TMPRSS11E: variants seen among roughly 807,000 people sequenced by gnomAD.
The protein encoded by TMPRSS11E is transmembrane serine protease 11E.
TMPRSS11E carries 38 observed loss-of-function variants against 48.1 expected under a neutral mutation model. The observed-to-expected ratio is 0.79, with a 90% CI of 0.61 to 1.04. The LOEUF (loss-of-function observed/expected upper bound fraction) is 1.04, where lower values mean the gene tolerates loss of function less well. TMPRSS11E is among the 50% of genes least tolerant of loss of function. The pLI is 0.00. For synonymous variants in TMPRSS11E, 158 were observed against 171.9 expected (o/e 0.92, Z 0.63); for missense variants, 530 against 510.8 (o/e 1.04, Z -0.36).
chr4:68,490,155 G>A (rs1729676154), intron 9 of TMPRSS11E, among the ~76,000 whole-genome samples: 1 of 152,084 alleles, frequency 6.6e-6, no homozygotes, highest in South Asian at 2.1e-4. Context: ...GCAACCCTGT[G>A]CAGGGTTACC....
chr4:68,450,501 G>C (rs894660511), intron 1 of TMPRSS11E, among the ~76,000 whole-genome samples: 7 of 151,804 alleles, frequency 4.6e-5, no homozygotes, highest in African/African-American at 1.7e-4. Flanking sequence ...GCTATAAGTA[G>C]AATCTTTGAG....
At position 68,496,945 on chromosome 4, in the gene TMPRSS11E, T is replaced by C. The variant is rs1056643404; in HGVS notation, c.*141T>C. 5 of 851,358 alleles carry C rather than the reference T, an allele frequency of 5.9e-6. No individual in the cohort carries two copies. Among genetic ancestry groups the C allele is most frequent in the Non-Finnish European group, 9.3e-6 (5 of 536,646 alleles). 52.7% of individuals were successfully genotyped at this position (851,358 alleles called of 1,614,324 possible). On this transcript the variant is annotated 3_prime_UTR_variant, in exon 10 of 10. Coordinates refer to ENST00000305363, the MANE Select transcript of TMPRSS11E (RefSeq NM_014058.4). ...CAATAAACTGTTTGCTTGATGCATG[T>C]ATTTTCTTCCCAGCTCTGTTCCGCA...
chr4:68,489,871 C>T (rs540742259), intron 9 of TMPRSS11E, among the ~76,000 whole-genome samples: 1 of 152,264 alleles, frequency 6.6e-6, no homozygotes, highest in South Asian at 2.1e-4. Flanking sequence ...CGAAAGCCAC[C>T]TAGAGATGTA....
chr4:68,456,483 A>G (rs1388767860), intron 1 of TMPRSS11E, among the ~76,000 whole-genome samples: 1 of 152,036 alleles, frequency 6.6e-6, no homozygotes, highest in Non-Finnish European at 1.5e-5. Flanking sequence ...CAATGAAAAT[A>G]TATAATCCAT....
intron 5 of TMPRSS11E, among the ~76,000 whole-genome samples, chr4:68,473,751 A>G (rs952025277): frequency 6.6e-6 from 1 of 152,126 alleles, no homozygotes; most frequent in Non-Finnish European, 1.5e-5. Flanking sequence ...AGAGCTTGAC[A>G]TTTTCCTAGG....
rs377207684 is a variant in TMPRSS11E, at chr4:68,478,920, G to A, written c.1039G>A (p.Ala347Thr). 6.2e-6 allele frequency: 10 copies of A among 1,613,898 alleles called. No homozygotes were observed. Among genetic ancestry groups the A allele is most frequent in the Non-Finnish European group, 8.5e-6 (10 of 1,179,986 alleles). ...IDATTCNEPQAYNDAITPRML... is the reference protein window; with the variant it reads ...IDATTCNEPQTYNDAITPRML... Reference sequence around the variant, plus strand: ...CGCTACAACTTGCAATGAACCTCAAGCTTACAATGACGCCATAACTCCTAG... The same window carrying A: ...CGCTACAACTTGCAATGAACCTCAAACTTACAATGACGCCATAACTCCTAG... The change falls in exon 9 of 10, where the codon GCT becomes ACT. Residue 347 changes from alanine (A) to threonine (T), a missense_variant. Physicochemically the swap from Ala to Thr is moderately conservative, Grantham distance 58 (BLOSUM62 0). Coordinates refer to ENST00000305363, the MANE Select transcript of TMPRSS11E (RefSeq NM_014058.4).
intron 8 of TMPRSS11E, among the ~76,000 whole-genome samples, chr4:68,478,580 G>T (rs1380237566): frequency 1.4e-5 from 2 of 146,090 alleles, no homozygotes; most frequent in Non-Finnish European, 3.0e-5. Flanking sequence ...TCAGCCTCCT[G>T]AATAGCTGGG....
intron 1 of TMPRSS11E, among the ~76,000 whole-genome samples, chr4:68,452,285 G>A (rs1401294582): frequency 2.0e-5 from 3 of 151,814 alleles, no homozygotes; most frequent in African/African-American, 4.8e-5. Flanking sequence ...ATTTAAGCTT[G>A]TATGAAAATA....
At chr4:68,483,526 A>G (rs1729468333) in intron 9 of TMPRSS11E, among the ~76,000 whole-genome samples, 1 of 152,092 alleles carries the variant, frequency 6.6e-6, no homozygotes, top group African/African-American at 2.4e-5. Context: ...AAGATTCTGG[A>G]TATTAGACCT....
Position 68,472,337 on chromosome 4 carries a change from A to G in TMPRSS11E, c.490+714A>G, listed in dbSNP as rs940533400. ...GAAGTTACATTAAAAATAAAAATAA[A>G]CATGTAAAATTAATTTTCAATAATT... is the stretch of plus-strand genomic sequence containing the variant. On this transcript the variant is annotated intron_variant, in intron 5 of 9. Transcript: ENST00000305363. 2.0e-5 allele frequency among the ~76,000 whole-genome samples: 3 copies of G among 152,058 alleles called. No homozygotes were observed. In the South Asian group the frequency reaches 6.2e-4, roughly 31 times the overall value.
rs1728779349 is a variant in TMPRSS11E, at chr4:68,461,127, C to T, written c.12-694C>T. Among the ~76,000 whole-genome samples, 3 of 152,132 alleles carry T rather than the reference C, an allele frequency of 2.0e-5. No individual in the cohort carries two copies. The South Asian group carries it at 6.2e-4, about 32-fold the overall frequency. On this transcript the variant is annotated intron_variant, in intron 1 of 9. Coordinates refer to ENST00000305363, the MANE Select transcript of TMPRSS11E (RefSeq NM_014058.4). ...TGATCTCCCGACCTCATGATCCGCC[C>T]GCCTCGGCCTCCCAAAGTGCTGGGA...
At chr4:68,459,359 T>A (rs1560547739) in intron 1 of TMPRSS11E, among the ~76,000 whole-genome samples, 1 of 152,132 alleles carries the variant, frequency 6.6e-6, no homozygotes, top group African/African-American at 2.4e-5. Context: ...CTCTCTTTTT[T>A]TTAATTCAAA....
At chr4:68,477,263 A>T in intron 7 of TMPRSS11E, 106 bp from the exon 8 acceptor site, 1 of 1,184,220 alleles carries the variant, frequency 8.4e-7, no homozygotes, top group Non-Finnish European at 1.2e-6. Flanking sequence ...CATCAAAACT[A>T]TAAAAAGAAA....
At chr4:68,463,330 T>C (rs1728844345) in intron 2 of TMPRSS11E, among the ~76,000 whole-genome samples, 2 of 151,870 alleles carry the variant, frequency 1.3e-5, no homozygotes, top group Admixed American at 1.3e-4. Context: ...TGAGACGGAG[T>C]CTTGGTCTGT....
chr4:68,481,753 C>T (rs1240710397), intron 9 of TMPRSS11E, among the ~76,000 whole-genome samples: 1 of 152,106 alleles, frequency 6.6e-6, no homozygotes, highest in Non-Finnish European at 1.5e-5. Context: ...AGTTCAAGAC[C>T]AGCTTGGGCA....
At chr4:68,460,239 A>C (rs141713630) in intron 1 of TMPRSS11E, among the ~76,000 whole-genome samples, 2 of 152,300 alleles carry the variant, frequency 1.3e-5, no homozygotes, top group Non-Finnish European at 2.9e-5. Flanking sequence ...TTTTGTGTCC[A>C]GCCAGAGCCA....
intron 9 of TMPRSS11E, among the ~76,000 whole-genome samples, chr4:68,485,034 G>A (rs1168909431): frequency 1.3e-5 from 2 of 152,158 alleles, no homozygotes; most frequent in Non-Finnish European, 2.9e-5. Context: ...TGGTTCACAG[G>A]GGAATGCTTC....
At chr4:68,493,178 A>T (rs1244023773) in intron 9 of TMPRSS11E, among the ~76,000 whole-genome samples, 1 of 152,086 alleles carries the variant, frequency 6.6e-6, no homozygotes, top group East Asian at 1.9e-4. Flanking sequence ...ACTTTCATGT[A>T]CTCATCACCT....
At chr4:68,472,339 A>G (rs1729097451) in intron 5 of TMPRSS11E, among the ~76,000 whole-genome samples, 1 of 152,080 alleles carries the variant, frequency 6.6e-6, no homozygotes, top group Non-Finnish European at 1.5e-5. Context: ...AAAAATAAAC[A>G]TGTAAAATTA....
Sources: gnomAD v4.1 joint callset for allele counts (sites outside exome capture counted in the v4.1 genomes callset) on GRCh38, gnomAD v4.1.1 for gene constraint, MANE v1.5 for transcripts, NCBI Gene and HGNC (gene_info 2026-07-23, HGNC 2026-07-21) for gene names.